Variants in PTPRD observed in about 807,000 individuals in gnomAD.
The protein encoded by PTPRD is protein tyrosine phosphatase receptor type D, also known as receptor-type tyrosine-protein phosphatase delta.
A neutral mutation model predicts 214.5 loss-of-function variants in PTPRD; 34 were observed. The ratio of observed to expected loss-of-function variants is 0.16; its 90% CI spans 0.12 to 0.21. The LOEUF is 0.21. Ranked by LOEUF, PTPRD falls within the 10% of genes least tolerant of loss-of-function variation. The probability of loss-of-function intolerance (pLI) is 1.00; values close to 1 mark genes in which losing one functional copy is unlikely to be tolerated. For synonymous variants in PTPRD, 1,128 were observed against 845.7 expected (o/e 1.33, Z -5.79); for missense variants, 2,545 against 2,398.7 (o/e 1.06, Z -1.27).
chr9:10,372,505 C>G (rs2097647008), intron 2 of PTPRD, among the ~76,000 whole-genome samples: 2 of 152,024 alleles, frequency 1.3e-5, no homozygotes, highest in East Asian at 1.9e-4. Context: ...TCCTGTTTGC[C>G]TTGAATTCTT....
intron 3 of PTPRD, among the ~76,000 whole-genome samples, chr9:10,208,932 C>T (rs2099500535): frequency 6.6e-6 from 1 of 152,076 alleles, no homozygotes; most frequent in South Asian, 2.1e-4. Flanking sequence ...TAACAGACAC[C>T]TTAAGGAGTA....
intron 9 of PTPRD, among the ~76,000 whole-genome samples, chr9:9,247,161 G>C (rs1015354277): frequency 5.9e-5 from 9 of 151,956 alleles, no homozygotes; most frequent in Admixed American, 1.3e-4. Flanking sequence ...AGCTACTCTT[G>C]TCTGATAGCA....
At chr9:10,220,032 A>G (rs565996575) in intron 3 of PTPRD, among the ~76,000 whole-genome samples, 1 of 152,004 alleles carries the variant, frequency 6.6e-6, no homozygotes, top group African/African-American at 2.4e-5. Flanking sequence ...GAAGGTTTAC[A>G]CACACAGAAT....
intron 2 of PTPRD, among the ~76,000 whole-genome samples, chr9:10,528,925 T>C (rs556726397): frequency 6.6e-6 from 1 of 152,030 alleles, no homozygotes; most frequent in Non-Finnish European, 1.5e-5. Flanking sequence ...GTGGATAGGG[T>C]TAGTTTTGTG....
chr9:9,644,832 G>A (rs1051076679), intron 7 of PTPRD, among the ~76,000 whole-genome samples: 21 of 152,262 alleles, frequency 1.4e-4, no homozygotes, highest in Admixed American at 4.6e-4. Flanking sequence ...GCATCTCAAC[G>A]TCAAGAGGAG....
chr9:9,652,839 C>G (rs1199189760), intron 7 of PTPRD, among the ~76,000 whole-genome samples: 1 of 151,934 alleles, frequency 6.6e-6, no homozygotes, highest in Non-Finnish European at 1.5e-5. Flanking sequence ...CTCTCAAACT[C>G]CTGACCTCAG....
At chr9:9,993,791 T>C (rs184611586) in intron 4 of PTPRD, among the ~76,000 whole-genome samples, 1 of 152,256 alleles carries the variant, frequency 6.6e-6, no homozygotes, top group Non-Finnish European at 1.5e-5. Flanking sequence ...TTTTCTGTTA[T>C]ACTTGAATTA....
At chr9:10,520,210 T>C (rs2051694320) in intron 2 of PTPRD, among the ~76,000 whole-genome samples, 1 of 152,172 alleles carries the variant, frequency 6.6e-6, no homozygotes, top group Non-Finnish European at 1.5e-5. Context: ...AAAGTGCTAC[T>C]CCAGTGAACA....
chr9:10,297,562 A>C (rs1357183150), intron 3 of PTPRD, among the ~76,000 whole-genome samples: 1 of 146,022 alleles, frequency 6.8e-6, no homozygotes, highest in Non-Finnish European at 1.5e-5. Flanking sequence ...GAGATGGCAC[A>C]TCTCTGTAAT....
At chr9:8,496,003 T>C (rs563993719) in intron 26 of PTPRD, among the ~76,000 whole-genome samples, 1 of 152,302 alleles carries the variant, frequency 6.6e-6, no homozygotes, top group South Asian at 2.1e-4. Flanking sequence ...TATATTATAG[T>C]TTACCTCTTA....
intron 12 of PTPRD, among the ~76,000 whole-genome samples, chr9:8,689,278 T>TGA (rs2097756511): frequency 6.6e-6 from 1 of 152,212 alleles, no homozygotes; most frequent in Non-Finnish European, 1.5e-5. Context: ...TAAGAGTATA[T>TGA]GACTACAGAG....
intron 9 of PTPRD, among the ~76,000 whole-genome samples, chr9:9,240,176 TA>T (rs915802380): frequency 2.2e-4 from 25 of 115,386 alleles, no homozygotes; most frequent in South Asian, 1.5e-3. Context: ...GATATCTACT[TA>T]AAAATAGTTT....
Position 9,592,936 on chromosome 9 carries a change from C to T in PTPRD, c.-286-18155G>A, listed in dbSNP as rs905934304. ...GGTACACACCTGTAGTCCCAGCTACCTGGGAGGCTGAGACATGAGAATCAC... is the reference window on the plus strand; with the variant it reads ...GGTACACACCTGTAGTCCCAGCTACTTGGGAGGCTGAGACATGAGAATCAC... On this transcript the variant is annotated intron_variant, in intron 7 of 45. Coordinates refer to ENST00000381196, the MANE Select transcript of PTPRD (RefSeq NM_002839.4). Among the ~76,000 whole-genome samples the T allele has an allele frequency of 2.0e-5, 3 of 151,566 alleles. No homozygotes were observed. The East Asian group carries it at 5.9e-4, about 30-fold the overall frequency.
At chr9:10,550,971 C>G (rs1161106669) in intron 2 of PTPRD, among the ~76,000 whole-genome samples, 2 of 152,200 alleles carry the variant, frequency 1.3e-5, no homozygotes, top group Admixed American at 1.3e-4. Context: ...CATTTCTAAA[C>G]TTGCCCTTCA....
chr9:10,369,983 T>C (rs1183186401), intron 2 of PTPRD, among the ~76,000 whole-genome samples: 2 of 152,078 alleles, frequency 1.3e-5, no homozygotes, highest in African/African-American at 4.8e-5. Flanking sequence ...TATTATTTCA[T>C]CAAACTGTCA....
chr9:8,484,102 G>A lies in PTPRD; in HGVS notation c.3413+17C>T, dbSNP rs2096948642. On this transcript the variant is annotated intron_variant, in intron 30 of 45. Transcript: ENST00000381196. ...CTATAATTCTTTCCTTCAGCCCTAA[G>A]CCTTCAATCAACTTACTTTATATTC... 6.2e-7 allele frequency: 1 copy of A among 1,609,300 alleles called. No homozygotes were observed. The highest frequency in any genetic ancestry group is 2.2e-5 in the East Asian group (1 of 44,732).
In PTPRD at chr9:10,534,215, C is replaced by T. The variant is rs374933860; in HGVS notation, c.-600+78183G>A. 4.0e-5 allele frequency among the ~76,000 whole-genome samples: 6 copies of T among 151,890 alleles called. No homozygotes were observed. In the East Asian group the frequency reaches 9.7e-4, roughly 24 times the overall value. On this transcript the variant is annotated intron_variant, in intron 2 of 45. Coordinates refer to ENST00000381196, the MANE Select transcript of PTPRD (RefSeq NM_002839.4). ...TCTCTCCATATCTTTTAAACTTTAACATCAGAGTTCTAAAAAGATGTTAAA... is the reference window on the plus strand; with the variant it reads ...TCTCTCCATATCTTTTAAACTTTAATATCAGAGTTCTAAAAAGATGTTAAA...
chr9:10,147,680 G>A (rs890861525), intron 3 of PTPRD, among the ~76,000 whole-genome samples: 2 of 151,924 alleles, frequency 1.3e-5, no homozygotes, highest in African/African-American at 4.8e-5. Flanking sequence ...AGGAGTTCAA[G>A]ACCAGCCTGG....
chr9:9,654,651 T>A (rs141725602), intron 7 of PTPRD, among the ~76,000 whole-genome samples: 1 of 152,220 alleles, frequency 6.6e-6, no homozygotes, highest in African/African-American at 2.4e-5. Context: ...TGTTTGGTTA[T>A]CTAATTTTTC....
Sources: gnomAD v4.1 joint callset for allele counts (sites outside exome capture counted in the v4.1 genomes callset) on GRCh38, gnomAD v4.1.1 for gene constraint, MANE v1.5 for transcripts, NCBI Gene and HGNC (gene_info 2026-07-23, HGNC 2026-07-21) for gene names.